ZNF324B: variants seen among roughly 807,000 people sequenced by gnomAD.
ZNF324B encodes the protein zinc finger protein 324B.
ZNF324B carries 7 observed loss-of-function variants against 10.6 expected under a neutral mutation model. That is an observed-to-expected ratio of 0.66 (90% CI 0.38 to 1.24). ZNF324B has a LOEUF of 1.24. ZNF324B is among the 50% of genes most tolerant of loss of function. ZNF324B has a pLI of 0.02. For synonymous variants in ZNF324B, 316 were observed against 321.0 expected (o/e 0.98, Z 0.17); for missense variants, 640 against 764.7 (o/e 0.84, Z 1.92).
chr19:58,446,467 T>C, the ZNF324B span, among the ~76,000 whole-genome samples: 1 of 151,902 alleles, frequency 6.6e-6, no homozygotes, highest in Admixed American at 6.6e-5. Context: ...GGAGGGATGG[T>C]AGGGGCCTTG....
At position 58,455,655 on chromosome 19, in the gene ZNF324B, C is replaced by T. The variant is rs1342981056; in HGVS notation, c.711C>T (p.Gly237=). Residue 237 remains glycine (G), a synonymous_variant, in exon 4 of 4, where the codon GGC becomes GGT. Coordinates refer to ENST00000336614, the MANE Select transcript of ZNF324B (RefSeq NM_207395.3). This position sits in a 1 kb window ranked among gnomAD's most constrained non-coding sequence, Gnocchi z 7.0. ...AWQEPHRLLG[G]QEPSTWDELG... is the part of the protein sequence containing the mutation. The stretch of plus-strand genomic sequence containing the variant: ...AGGAGCCTCATAGACTCCTCGGTGG[C>T]CAGGAGCCCTCGACCTGGGACGAGC... 2.5e-6 allele frequency: 4 copies of T among 1,613,656 alleles called. No homozygotes were observed. Among genetic ancestry groups the T allele is most frequent in the Non-Finnish European group, 3.4e-6 (4 of 1,179,906 alleles).
At chr19:58,432,300 C>T in the ZNF324B span, 1 of 518,156 alleles carries the variant, frequency 1.9e-6, no homozygotes, top group Non-Finnish European at 3.9e-6. Context: ...CATTTATCTG[C>T]TTTAACTGTG....
the ZNF324B span, chr19:58,437,774 C>T: frequency 5.1e-6 from 5 of 985,322 alleles, no homozygotes; most frequent in Admixed American, 1.8e-4. Flanking sequence ...AGCTACAGAG[C>T]TCCAAAAACC....
upstream of ZNF324B, among the ~76,000 whole-genome samples, chr19:58,446,963 CTTTCT>C (rs1272208177): frequency 6.8e-6 from 1 of 148,058 alleles, no homozygotes; most frequent in Non-Finnish European, 1.5e-5. Flanking sequence ...TTTTCTCGTC[CTTTCT>C]TTTCTTTTCT....
the ZNF324B span, among the ~76,000 whole-genome samples, chr19:58,427,373 T>TTCCTTC: frequency 9.9e-4 from 38 of 38,436 alleles, 1 homozygote; most frequent in African/African-American, 3.0e-3. Flanking sequence ...TTTCTTTCTT[T>TTCCTTC]CTTTCTTTCT....
At chr19:58,447,459 TCAAA>T (rs1403048666), upstream of ZNF324B, among the ~76,000 whole-genome samples, 1 of 152,220 alleles carries the variant, frequency 6.6e-6, no homozygotes, top group African/African-American at 2.4e-5. Flanking sequence ...TAAGAATGTT[TCAAA>T]CAATTAGCAT....
At position 58,456,291 on chromosome 19, in the gene ZNF324B, C is replaced by T. The variant is rs771227609; in HGVS notation, c.1347C>T (p.Gly449=). Residue 449 remains glycine (G), a synonymous_variant, in exon 4 of 4, where the codon GGC becomes GGT. Transcript: ENST00000336614. This position sits in a 1 kb window ranked among gnomAD's most constrained non-coding sequence, Gnocchi z 4.7. ...NLTQHQLLHT[G]ERPFRCVDCG... The stretch of plus-strand genomic sequence containing the variant: ...CCCAGCACCAGCTCCTGCACACGGG[C>T]GAGCGGCCCTTCCGCTGCGTGGACT... The T allele has an allele frequency of 1.9e-6, 3 of 1,612,918 alleles. No homozygotes were observed. Among genetic ancestry groups the T allele is most frequent in the Admixed American group, 1.7e-5 (1 of 60,026 alleles).
the ZNF324B span, chr19:58,437,157 T>C: frequency 1.2e-6 from 2 of 1,613,954 alleles, no homozygotes; most frequent in Non-Finnish European, 1.7e-6. Context: ...AGCCACATCT[T>C]CAAAGGTTAC....
chr19:58,428,123 T>C, the ZNF324B span, among the ~76,000 whole-genome samples: 1 of 152,210 alleles, frequency 6.6e-6, no homozygotes, highest in African/African-American at 2.4e-5. Context: ...AATGTGGTTA[T>C]CATTGTCCAT....
the ZNF324B span, chr19:58,440,206 C>T: frequency 3.5e-5 from 10 of 285,250 alleles, no homozygotes; most frequent in African/African-American, 1.4e-4. Context: ...GCCACTGGTC[C>T]GAGCTTTCAT....
At chr19:58,421,758 C>T in the ZNF324B span, among the ~76,000 whole-genome samples, 13 of 152,276 alleles carry the variant, frequency 8.5e-5, no homozygotes, top group South Asian at 2.1e-3. Context: ...TTATGCAAGA[C>T]TTGTACACTG....
the ZNF324B span, chr19:58,445,522 A>G: frequency 1.9e-6 from 1 of 517,852 alleles, no homozygotes; most frequent in African/African-American, 1.9e-5. Context: ...TTAGTATAAA[A>G]GAATTCACAC....
At chr19:58,443,946 A>C in the ZNF324B span, 1 of 152,202 alleles carries the variant, frequency 6.6e-6, no homozygotes, top group Non-Finnish European at 1.5e-5. Flanking sequence ...CACCCCCGCC[A>C]TGTGATCACC....
chr19:58,447,928 A>G (rs1599974795), upstream of ZNF324B, among the ~76,000 whole-genome samples: 1 of 152,154 alleles, frequency 6.6e-6, no homozygotes, highest in Admixed American at 6.6e-5. Flanking sequence ...CTTGGCTCTC[A>G]TTTGCTCTTA....
the ZNF324B span, among the ~76,000 whole-genome samples, chr19:58,431,788 G>T: frequency 6.6e-6 from 1 of 152,158 alleles, no homozygotes; most frequent in Non-Finnish European, 1.5e-5. Context: ...TCAGGAGATC[G>T]AGACCATCCT....
At chr19:58,444,474 TA>T in the ZNF324B span, 2 of 152,174 alleles carry the variant, frequency 1.3e-5, no homozygotes, top group African/African-American at 4.8e-5. Flanking sequence ...ATCTCTAAAA[TA>T]AATAAATAAA....
At chr19:58,450,020 C>A (rs1422992138), upstream of ZNF324B, among the ~76,000 whole-genome samples, 1 of 152,164 alleles carries the variant, frequency 6.6e-6, no homozygotes, top group Non-Finnish European at 1.5e-5. Flanking sequence ...ATAATTCCCA[C>A]ATGTTGTGGA....
chr19:58,434,528 G>A, the ZNF324B span: 2 of 1,614,156 alleles, frequency 1.2e-6, no homozygotes, highest in South Asian at 2.2e-5. Flanking sequence ...TGCTTCCTCA[G>A]CTTAGATGAG....
chr19:58,456,204 A>G lies in ZNF324B; in HGVS notation c.1260A>G (p.Thr420=), dbSNP rs2053696375. 4.3e-6 allele frequency: 7 copies of G among 1,612,724 alleles called. No individual in the cohort carries two copies. The highest frequency in any genetic ancestry group is 5.9e-6 in the Non-Finnish European group (7 of 1,179,672). The change falls in exon 4 of 4, where the codon ACA becomes ACG. Residue 420 remains threonine (T), a synonymous_variant. Transcript: ENST00000336614. The surrounding 1 kb of genome is among the most constrained non-coding windows in gnomAD (Gnocchi z 4.7). ...SSLFLHQRVH[T]GEKPFACAQC... is the part of the protein sequence containing the mutation. ...TCTTTTTGCACCAGCGCGTGCACACAGGCGAGAAGCCCTTCGCCTGCGCCC... is the reference window on the plus strand; with the variant it reads ...TCTTTTTGCACCAGCGCGTGCACACGGGCGAGAAGCCCTTCGCCTGCGCCC...
Sources: allele counts gnomAD v4.1 joint callset (sites outside exome capture counted in the v4.1 genomes callset), GRCh38; gene constraint gnomAD v4.1.1; non-coding constraint Gnocchi (gnomAD v3.1); transcripts MANE v1.5; gene names NCBI Gene and HGNC (gene_info 2026-07-23, HGNC 2026-07-21).